Variants in DCBLD1 observed in about 807,000 individuals in gnomAD.
DCBLD1 encodes the protein discoidin, CUB and LCCL domain containing 1, also known as discoidin, CUB and LCCL domain-containing protein 1.
DCBLD1 carries 57 observed loss-of-function variants against 71.5 expected under a neutral mutation model. That is an observed-to-expected ratio of 0.80 (90% CI 0.64 to 0.99). DCBLD1 has a LOEUF of 0.99. Among genes scored for constraint, DCBLD1 ranks in the 50% least tolerant of loss-of-function variants. DCBLD1 has a pLI of 0.00. For synonymous variants in DCBLD1, 380 were observed against 363.8 expected (o/e 1.04, Z -0.51); for missense variants, 891 against 923.5 (o/e 0.96, Z 0.46).
intron 2 of DCBLD1, among the ~76,000 whole-genome samples, chr6:117,514,653 C>T (rs1196130949): frequency 6.6e-6 from 1 of 151,678 alleles, no homozygotes; most frequent in Non-Finnish European, 1.5e-5. Context: ...TCTCCTACCC[C>T]TCTAGTTACA....
rs962697906 is a variant in DCBLD1 at position 117,547,940 on chromosome 6, C to T, written c.1649C>T (p.Thr550Ile). The T allele has an allele frequency of 7.1e-6, 11 of 1,550,476 alleles. No homozygotes were observed. Among genetic ancestry groups the T allele is most frequent in the Non-Finnish European group, 7.8e-6 (9 of 1,146,982 alleles). The change falls in exon 15 of 15, where the codon ACA becomes ATA. Residue 550 changes from threonine to isoleucine, a missense_variant. By Grantham distance (89) the Thr-to-Ile change is moderately conservative (BLOSUM62 -1). Transcript: ENST00000338728. ...CAGCCCCTCATGATTGGCACCGGGACAGTCACGAGGAAGGGCTCCACCTTC... is the reference window on the plus strand; with the variant it reads ...CAGCCCCTCATGATTGGCACCGGGATAGTCACGAGGAAGGGCTCCACCTTC... ...YQQPLMIGTGTVTRKGSTFRP... is the reference protein window; with the variant it reads ...YQQPLMIGTGIVTRKGSTFRP...
intron 9 of DCBLD1, 125 bp downstream of exon 9, chr6:117,539,504 G>A (rs1331001881): frequency 7.0e-6 from 8 of 1,136,444 alleles, no homozygotes; most frequent in Non-Finnish European, 9.6e-6. Context: ...GGTGGTTCAT[G>A]CCTGTAATCC....
At chr6:117,495,871 A>G (rs1486667494) in intron 1 of DCBLD1, among the ~76,000 whole-genome samples, 1 of 152,216 alleles carries the variant, frequency 6.6e-6, no homozygotes, top group Non-Finnish European at 1.5e-5. Flanking sequence ...TAACATGGTA[A>G]TTATTGATGT....
At chr6:117,497,658 C>T (rs1777515257) in intron 1 of DCBLD1, among the ~76,000 whole-genome samples, 1 of 152,056 alleles carries the variant, frequency 6.6e-6, no homozygotes, top group Non-Finnish European at 1.5e-5. Flanking sequence ...GTTAATATAT[C>T]TTTCTTCTCT....
chr6:117,551,707 G>A (rs568173332), downstream of DCBLD1, among the ~76,000 whole-genome samples: 106 of 152,286 alleles, frequency 7.0e-4, 1 homozygote, highest in African/African-American at 2.5e-3. Flanking sequence ...CATTAGCTAG[G>A]CCTTGTGAAG....
chr6:117,518,037 G>T (rs4945588), intron 2 of DCBLD1, among the ~76,000 whole-genome samples: 5,539 of 152,170 alleles, frequency 0.036, 235 homozygotes, highest in South Asian at 0.18. Flanking sequence ...CTTTTCTATC[G>T]CACTGTCAGG....
At chr6:117,519,732 C>A in intron 2 of DCBLD1, 84 bp from the exon 3 acceptor site, 8 of 1,540,476 alleles carry the variant, frequency 5.2e-6, no homozygotes, top group Non-Finnish European at 7.0e-6. Flanking sequence ...GTAAATTTGG[C>A]CTTTCAAGGA....
At chr6:117,564,359 T>C (rs1779650823) in intron 14 of DCBLD1, among the ~76,000 whole-genome samples, 1 of 152,228 alleles carries the variant, frequency 6.6e-6, no homozygotes, top group Admixed American at 6.5e-5. Flanking sequence ...GTGAATTATA[T>C]TTTTATTTTT....
downstream of DCBLD1, among the ~76,000 whole-genome samples, chr6:117,550,880 T>C (rs1040238480): frequency 3.3e-5 from 5 of 152,118 alleles, no homozygotes; most frequent in Non-Finnish European, 7.4e-5. Flanking sequence ...CTTTCTTGAG[T>C]TGAAAGAGAA....
At chr6:117,562,980 G>A in intron 14 of DCBLD1, 1 of 376,214 alleles carries the variant, frequency 2.7e-6, no homozygotes, top group Non-Finnish European at 4.8e-6. Flanking sequence ...TGGTACTTAA[G>A]AGCCCAGTAA....
At chr6:117,535,364 G>A (rs1354832581) in intron 6 of DCBLD1, among the ~76,000 whole-genome samples, 1 of 152,144 alleles carries the variant, frequency 6.6e-6, no homozygotes, top group Non-Finnish European at 1.5e-5. Context: ...GATTGCTTCT[G>A]TAGCCCTCTG....
chr6:117,514,791 C>T (rs1474093090), intron 2 of DCBLD1, among the ~76,000 whole-genome samples: 2 of 152,002 alleles, frequency 1.3e-5, no homozygotes, highest in East Asian at 3.8e-4. Flanking sequence ...CCTATCATAA[C>T]TGGGAGGATG....
At chr6:117,492,388 A>C (rs1321811) in intron 1 of DCBLD1, among the ~76,000 whole-genome samples, 4,651 of 152,330 alleles carry the variant, frequency 0.031, 85 homozygotes, top group Non-Finnish European at 0.038. Context: ...CAAAGTGGGA[A>C]CCAGGCACGT....
chr6:117,521,512 T>A lies in DCBLD1; in HGVS notation c.461-13T>A. 6.4e-7 allele frequency: 1 copy of A among 1,570,122 alleles called. No homozygotes were observed. Among genetic ancestry groups the A allele is most frequent in the South Asian group, 1.2e-5 (1 of 84,594 alleles). ...TTCATTCTATTAATTGCAATTATCT[T>A]TATTTATGACAGATTTAATAACATG... On this transcript the variant is annotated splice_polypyrimidine_tract_variant and intron_variant, in intron 3 of 14. Transcript: ENST00000338728.
chr6:117,509,643 T>G (rs553834039), intron 2 of DCBLD1, among the ~76,000 whole-genome samples: 4 of 152,206 alleles, frequency 2.6e-5, no homozygotes, highest in African/African-American at 9.6e-5. Flanking sequence ...TTCCTCCTCC[T>G]GAGTTGTCTT....
intron 5 of DCBLD1, among the ~76,000 whole-genome samples, chr6:117,530,091 C>G (rs2114517551): frequency 6.6e-6 from 1 of 152,280 alleles, no homozygotes; most frequent in South Asian, 2.1e-4. Context: ...GTGGGAATAG[C>G]TGCTCAGCAG....
downstream of DCBLD1, chr6:117,549,811 T>C (rs184509545): frequency 4.4e-5 from 43 of 985,424 alleles, no homozygotes; most frequent in Admixed American, 2.6e-3. Flanking sequence ...CCCCTGACTC[T>C]CACTAGTCAG....
At position 117,549,460 on chromosome 6, in the gene DCBLD1, C is replaced by A; in HGVS notation, c.*1021C>A. 1.0e-6 allele frequency: 1 copy of A among 985,406 alleles called. No homozygotes were observed. The allele number at this position is 985,406 out of a possible 1,614,324, so 61.0% of individuals were successfully genotyped here. On this transcript the variant is annotated 3_prime_UTR_variant, in exon 15 of 15. Coordinates refer to ENST00000338728, the MANE Select transcript of DCBLD1 (RefSeq NM_001366458.2). ...CAAGGAGGCGTCTGTAATTCCAGAACAGTCCAGACATCAGCTGTACCTCAT... is the reference window on the plus strand; with the variant it reads ...CAAGGAGGCGTCTGTAATTCCAGAAAAGTCCAGACATCAGCTGTACCTCAT...
At chr6:117,502,961 C>T (rs868831837) in intron 1 of DCBLD1, among the ~76,000 whole-genome samples, 5 of 152,152 alleles carry the variant, frequency 3.3e-5, no homozygotes, top group African/African-American at 7.2e-5. Flanking sequence ...GCTGGTAATT[C>T]GCTGCAACAT....
Sources: allele counts gnomAD v4.1 joint callset (sites outside exome capture counted in the v4.1 genomes callset), GRCh38; gene constraint gnomAD v4.1.1; transcripts MANE v1.5; gene names NCBI Gene and HGNC (gene_info 2026-07-23, HGNC 2026-07-21).